Variants in SYNPR observed in about 807,000 individuals in gnomAD.
SYNPR encodes synaptoporin.
In SYNPR, 23 loss-of-function variants were observed where a neutral mutation model predicts 32.9. The observed-to-expected ratio is 0.70, with a 90% CI of 0.50 to 0.99. The LOEUF (loss-of-function observed/expected upper bound fraction) is 0.99, where lower values mean the gene tolerates loss of function less well. SYNPR is among the 50% of genes least tolerant of loss of function. SYNPR has a pLI of 0.00. For synonymous variants in SYNPR, 146 were observed against 135.9 expected, an observed-to-expected ratio of 1.07 and a Z score of -0.52; for missense variants, 318 against 349.3, an observed-to-expected ratio of 0.91 and a Z score of 0.71.
chr3:63,561,188 A>G (rs1192802525), intron 4 of SYNPR, among the ~76,000 whole-genome samples: 1 of 152,220 alleles, frequency 6.6e-6, no homozygotes, highest in African/African-American at 2.4e-5. Flanking sequence ...ATGACATTAT[A>G]CATCCTGCAC....
At chr3:63,568,242 A>C (rs1341293256) in intron 4 of SYNPR, among the ~76,000 whole-genome samples, 1 of 152,238 alleles carries the variant, frequency 6.6e-6, no homozygotes, top group Non-Finnish European at 1.5e-5. Flanking sequence ...CCCATTTTAC[A>C]GATGTTGAAT....
At chr3:63,401,572 G>C (rs1211923606) in intron 2 of SYNPR, among the ~76,000 whole-genome samples, 1 of 152,112 alleles carries the variant, frequency 6.6e-6, no homozygotes, top group East Asian at 1.9e-4. Context: ...GGCTGCCCTG[G>C]GAGGTCTGTG....
upstream of SYNPR, among the ~76,000 whole-genome samples, chr3:63,227,959 A>G (rs2367763): frequency 0.79 from 120,072 of 152,112 alleles, 47,930 homozygotes; most frequent in Middle Eastern, 0.88. Flanking sequence ...AACCAGCAGC[A>G]TCTGCCACAG....
chr3:63,555,406 G>T (rs1459671220), intron 3 of SYNPR, among the ~76,000 whole-genome samples: 2 of 151,642 alleles, frequency 1.3e-5, no homozygotes, highest in East Asian at 3.9e-4. Flanking sequence ...ATATCTTTTT[G>T]CAAGTGCCTC....
chr3:63,508,593 G>C (rs1701634721), intron 3 of SYNPR, among the ~76,000 whole-genome samples: 1 of 152,116 alleles, frequency 6.6e-6, no homozygotes, highest in Non-Finnish European at 1.5e-5. Flanking sequence ...TCAACCATCA[G>C]AGCAGAAAGT....
the SYNPR span, among the ~76,000 whole-genome samples, chr3:63,206,229 C>G: frequency 6.6e-6 from 1 of 152,150 alleles, no homozygotes; most frequent in Admixed American, 6.5e-5. Context: ...AATTTAAGAA[C>G]CACTTGCTTA....
intron 2 of SYNPR, among the ~76,000 whole-genome samples, chr3:63,329,079 C>T (rs545930095): frequency 1.6e-4 from 24 of 152,152 alleles, no homozygotes; most frequent in Non-Finnish European, 2.9e-4. Context: ...CTATTATCAA[C>T]GAGCCAAGAA....
chr3:63,546,684 G>A (rs1433682387), intron 3 of SYNPR, among the ~76,000 whole-genome samples: 1 of 150,638 alleles, frequency 6.6e-6, no homozygotes, highest in Non-Finnish European at 1.5e-5. Context: ...AAGTGGAGAG[G>A]ACAAAAAATA....
At chr3:63,538,223 C>A (rs758698669) in intron 3 of SYNPR, among the ~76,000 whole-genome samples, 1 of 152,040 alleles carries the variant, frequency 6.6e-6, no homozygotes, top group African/African-American at 2.4e-5. Flanking sequence ...TAAGAAACCA[C>A]TATAAGTAAA....
chr3:63,497,362 G>A (rs759251336), intron 3 of SYNPR, among the ~76,000 whole-genome samples: 18 of 152,092 alleles, frequency 1.2e-4, no homozygotes, highest in Non-Finnish European at 2.5e-4. Context: ...CAGATACAAC[G>A]TATGGTGAAA....
chr3:63,504,488 A>G (rs1007517697), intron 3 of SYNPR, among the ~76,000 whole-genome samples: 1 of 152,084 alleles, frequency 6.6e-6, no homozygotes, highest in African/African-American at 2.4e-5. Flanking sequence ...TTTACAAACC[A>G]TTTGCTTTTC....
At chr3:63,591,555 C>A (rs1435549120) in intron 4 of SYNPR, among the ~76,000 whole-genome samples, 1 of 126,686 alleles carries the variant, frequency 7.9e-6, no homozygotes, top group Non-Finnish European at 1.6e-5. Context: ...TGGAACCAAC[C>A]CAAATGTCCA....
At chr3:63,225,696 A>G (rs1191485717), upstream of SYNPR, among the ~76,000 whole-genome samples, 1 of 152,194 alleles carries the variant, frequency 6.6e-6, no homozygotes, top group Non-Finnish European at 1.5e-5. Context: ...CTATAAAACT[A>G]CTAGAAGAAA....
Position 63,556,668 on chromosome 3 carries a change from A to G in SYNPR, c.335A>G (p.Tyr112Cys), listed in dbSNP as rs760772802. The G allele has an allele frequency of 4.0e-5, 65 of 1,613,346 alleles. No homozygotes were observed. The highest frequency in any genetic ancestry group is 6.7e-5 in the Admixed American group (4 of 59,962). ...ACTGTTGCTGTCTTCGCCTTCCTCTACTCTTTGGCTGCCACTGTCGTTTAC... is the reference window on the plus strand; with the variant it reads ...ACTGTTGCTGTCTTCGCCTTCCTCTGCTCTTTGGCTGCCACTGTCGTTTAC... ...FVTVAVFAFL[Y>C]SLAATVVYIF... The change falls in exon 4 of 6, where the codon TAC becomes TGC. Residue 112 changes from tyrosine to cysteine, a missense_variant. Physicochemically the swap from Tyr to Cys is radical, Grantham distance 194. Transcript: ENST00000478300.
At chr3:63,238,688 A>C (rs2086216119) in intron 1 of SYNPR, among the ~76,000 whole-genome samples, 1 of 152,152 alleles carries the variant, frequency 6.6e-6, no homozygotes. Flanking sequence ...CATTCACTTA[A>C]TTTTAATGAC....
At chr3:63,349,974 A>AT (rs2087484282) in intron 2 of SYNPR, among the ~76,000 whole-genome samples, 1 of 152,222 alleles carries the variant, frequency 6.6e-6, no homozygotes. Flanking sequence ...AAATTTAAAT[A>AT]TAACTTTTCT....
chr3:63,437,064 A>G (rs1700098064), intron 2 of SYNPR, among the ~76,000 whole-genome samples: 1 of 152,026 alleles, frequency 6.6e-6, no homozygotes, highest in African/African-American at 2.4e-5. Flanking sequence ...TTTAGTAGAG[A>G]TGGGGTTTCA....
intron 3 of SYNPR, among the ~76,000 whole-genome samples, chr3:63,522,636 C>G (rs1701937404): frequency 6.6e-6 from 1 of 152,176 alleles, no homozygotes; most frequent in African/African-American, 2.4e-5. Context: ...TGATTCTAAC[C>G]TGCCCTGCTG....
upstream of SYNPR, among the ~76,000 whole-genome samples, chr3:63,224,160 A>G (rs2086112482): frequency 6.6e-6 from 1 of 152,158 alleles, no homozygotes; most frequent in Admixed American, 6.5e-5. Flanking sequence ...ACACAGCAGG[A>G]GGTGAGTGGC....
Sources: allele counts gnomAD v4.1 joint callset (sites outside exome capture counted in the v4.1 genomes callset), GRCh38; gene constraint gnomAD v4.1.1; transcripts MANE v1.5; gene names NCBI Gene and HGNC (gene_info 2026-07-23, HGNC 2026-07-21).